PCOLCE2: variants seen among roughly 807,000 people sequenced by gnomAD.
PCOLCE2 encodes the protein procollagen C-proteinase enhancer 2.
In PCOLCE2, 42 loss-of-function variants were observed where a neutral mutation model predicts 47.0. The observed-to-expected ratio is 0.89, with a 90% CI of 0.70 to 1.16. PCOLCE2 has a LOEUF of 1.16. Among genes scored for constraint, PCOLCE2 ranks in the 50% most tolerant of loss-of-function variants. The pLI, the probability that PCOLCE2 is intolerant of heterozygous loss-of-function variation, is 0.00. For synonymous variants in PCOLCE2, 169 were observed against 191.7 expected, an observed-to-expected ratio of 0.88 and a Z score of 0.98; for missense variants, 500 against 526.1, an observed-to-expected ratio of 0.95 and a Z score of 0.49.
chr3:142,838,126 C>T (rs538594477), intron 5 of PCOLCE2, among the ~76,000 whole-genome samples: 8 of 152,222 alleles, frequency 5.3e-5, no homozygotes, highest in Admixed American at 2.0e-4. Flanking sequence ...TCCAGGTACC[C>T]GGCTCTGCAT....
chr3:142,821,138 C>T (rs188191153), intron 7 of PCOLCE2, 93 bp from the exon 8 acceptor site: 53 of 978,094 alleles, frequency 5.4e-5, no homozygotes, highest in East Asian at 3.0e-4. Context: ...GTTTCAGATA[C>T]GAAACATTTT....
In PCOLCE2 at chr3:142,882,590, C is replaced by T. The variant is rs150924366; in HGVS notation, c.192+5079G>A. On this transcript the variant is annotated intron_variant, in intron 2 of 8. Transcript: ENST00000295992. ...ATGTTTGTTTATCATTATTATTATA[C>T]TTTAGAGAAGAGGTCTCACTCTGTC... Among the ~76,000 whole-genome samples the T allele has an allele frequency of 2.3e-3, 356 of 151,632 alleles. 2 individuals carry two copies. Among genetic ancestry groups the T allele is most frequent in the African/African-American group, 8.2e-3 (338 of 41,076 alleles).
At chr3:142,835,689 C>T (rs1937195223) in intron 5 of PCOLCE2, among the ~76,000 whole-genome samples, 1 of 152,140 alleles carries the variant, frequency 6.6e-6, no homozygotes, top group Admixed American at 6.5e-5. Flanking sequence ...GTCACCCAGG[C>T]TGGAGTGCAG....
At position 142,842,041 on chromosome 3, in the gene PCOLCE2, T is replaced by C. The variant is rs1347334696; in HGVS notation, c.573+883A>G. Among the ~76,000 whole-genome samples the C allele has an allele frequency of 5.9e-5, 9 of 152,236 alleles. No homozygotes were observed. Among genetic ancestry groups the C allele is most frequent in the Admixed American group, 5.9e-4 (9 of 15,278 alleles). ...AAAAGTCGACCTTCTCTGTTGATTATTTCAGAACAATGAATGAAGCTTTTT... is the reference window on the plus strand; with the variant it reads ...AAAAGTCGACCTTCTCTGTTGATTACTTCAGAACAATGAATGAAGCTTTTT... On this transcript the variant is annotated intron_variant, in intron 4 of 8. Coordinates refer to ENST00000295992, the MANE Select transcript of PCOLCE2 (RefSeq NM_013363.4). This position sits in a 1 kb window ranked among gnomAD's most constrained non-coding sequence, Gnocchi z 4.1.
intron 5 of PCOLCE2, among the ~76,000 whole-genome samples, chr3:142,831,022 C>T (rs201062454): frequency 2.6e-5 from 4 of 152,168 alleles, no homozygotes; most frequent in East Asian, 1.9e-4. Context: ...TGATCTTTTC[C>T]GTCCTGAATA....
chr3:142,827,066 TAAAG>T, intron 6 of PCOLCE2: 1 of 1,193,472 alleles, frequency 8.4e-7, no homozygotes, highest in African/African-American at 1.5e-5. Context: ...TTTTTTGGCA[TAAAG>T]ACAAACTTTA....
intron 4 of PCOLCE2, among the ~76,000 whole-genome samples, chr3:142,839,155 A>G (rs1937237540): frequency 6.6e-6 from 1 of 152,204 alleles, no homozygotes; most frequent in South Asian, 2.1e-4. Context: ...AGGATATTCA[A>G]CTTAAGAACT....
chr3:142,863,836 T>G (rs1190195590), intron 2 of PCOLCE2: 1 of 152,116 alleles, frequency 6.6e-6, no homozygotes, highest in Non-Finnish European at 1.5e-5. Context: ...AAAATGTAAA[T>G]TAAATTAAAA....
At chr3:142,821,235 G>A (rs949934930) in intron 7 of PCOLCE2, among the ~76,000 whole-genome samples, 190 bp from the exon 8 acceptor site, 2 of 152,148 alleles carry the variant, frequency 1.3e-5, no homozygotes, top group African/African-American at 4.8e-5. Flanking sequence ...GTGATGTTAC[G>A]CTGGTTGTTG....
intron 3 of PCOLCE2, 181 bp from the exon 4 acceptor site, chr3:142,843,229 G>GA: frequency 1.5e-6 from 1 of 685,346 alleles, no homozygotes; most frequent in Non-Finnish European, 2.7e-6. Context: ...CACACACAAT[G>GA]AATGATCTTT....
At chr3:142,880,943 T>C (rs1209146617) in intron 2 of PCOLCE2, among the ~76,000 whole-genome samples, 1 of 152,210 alleles carries the variant, frequency 6.6e-6, no homozygotes, top group Non-Finnish European at 1.5e-5. Flanking sequence ...AATCTTAAGA[T>C]CTTCAATAAT....
At chr3:142,856,213 G>A (rs148755902) in intron 2 of PCOLCE2, among the ~76,000 whole-genome samples, 32 of 152,272 alleles carry the variant, frequency 2.1e-4, no homozygotes, top group African/African-American at 6.0e-4. Flanking sequence ...TCGAGTAGAC[G>A]TAGATGATTT....
At chr3:142,862,003 A>G (rs1933190885) in intron 2 of PCOLCE2, among the ~76,000 whole-genome samples, 1 of 152,144 alleles carries the variant, frequency 6.6e-6, no homozygotes, top group Non-Finnish European at 1.5e-5. Context: ...ATTCTAGTAC[A>G]CAGACTGTAA....
intron 5 of PCOLCE2, among the ~76,000 whole-genome samples, chr3:142,831,820 TG>T (rs1323851539): frequency 1.3e-5 from 2 of 152,294 alleles, no homozygotes; most frequent in South Asian, 2.1e-4. Context: ...GAATTAACCT[TG>T]GGGGTAGTAT....
intron 2 of PCOLCE2, among the ~76,000 whole-genome samples, chr3:142,858,233 C>G (rs907976006): frequency 3.3e-5 from 5 of 152,178 alleles, no homozygotes; most frequent in Admixed American, 1.3e-4. Context: ...TGCACCTGGC[C>G]TTGCAGCTGA....
chr3:142,886,946 A>C (rs2108214678), intron 2 of PCOLCE2, among the ~76,000 whole-genome samples: 1 of 152,342 alleles, frequency 6.6e-6, no homozygotes, highest in South Asian at 2.1e-4. Flanking sequence ...AACGTATTCA[A>C]TTACTAAACA....
chr3:142,888,639 A>C, intron 1 of PCOLCE2, 175 bp downstream of exon 1: 1 of 444,204 alleles, frequency 2.3e-6, no homozygotes, highest in South Asian at 5.9e-5. Context: ...ATGGGTCCCG[A>C]AGTCCCGGGC....
intron 4 of PCOLCE2, among the ~76,000 whole-genome samples, chr3:142,839,315 ATT>A (rs56746491): frequency 1.4e-5 from 2 of 146,286 alleles, no homozygotes; most frequent in East Asian, 2.0e-4. Context: ...CTGAGAGTAA[ATT>A]TTTTTTTTTT....
At chr3:142,855,664 G>A (rs1368263716) in intron 2 of PCOLCE2, among the ~76,000 whole-genome samples, 2 of 152,164 alleles carry the variant, frequency 1.3e-5, no homozygotes, top group Non-Finnish European at 2.9e-5. Flanking sequence ...ATGAGTCTGG[G>A]TCCTGGTCAA....
Sources: gnomAD v4.1 joint callset for allele counts (sites outside exome capture counted in the v4.1 genomes callset) on GRCh38, gnomAD v4.1.1 for gene constraint, Gnocchi (gnomAD v3.1) non-coding constraint, MANE v1.5 for transcripts, NCBI Gene and HGNC (gene_info 2026-07-23, HGNC 2026-07-21) for gene names.